The following TLL1 variants were observed in gnomAD, a reference collection of about 807,000 sequenced individuals.
TLL1 encodes tolloid-like protein 1.
Under a neutral mutation model 128.2 loss-of-function variants are expected in TLL1, and 49 were observed. The observed-to-expected ratio is 0.38, with a 90% CI of 0.30 to 0.48. TLL1 has a LOEUF of 0.48. Among genes scored for constraint, TLL1 ranks in the 20% least tolerant of loss-of-function variants. The pLI, the probability that TLL1 is intolerant of heterozygous loss-of-function variation, is 0.96. For synonymous variants in TLL1, 454 were observed against 418.8 expected (o/e 1.08, Z -1.03); for missense variants, 1,123 against 1,242.0 (o/e 0.90, Z 1.44).
chr4:166,042,027 G>A lies in TLL1; in HGVS notation c.1262G>A (p.Gly421Asp). 2 of 1,602,634 alleles carry A rather than the reference G, an allele frequency of 1.2e-6. No homozygotes were observed. Among genetic ancestry groups the A allele is most frequent in the Non-Finnish European group, 1.7e-6 (2 of 1,170,344 alleles). The change falls in exon 11 of 21, where the codon GGT becomes GAT. Residue 421 changes from glycine to aspartate, a missense_variant and splice_region_variant. Physicochemically the swap from Gly to Asp is moderately conservative, Grantham distance 94. Transcript: ENST00000061240. Reference sequence around the variant, plus strand: ...CTCTTTATTCTTTTATTTCTTTTAGGTAGATTCTGTGGGGACAAATTGCCT... The same window carrying A: ...CTCTTTATTCTTTTATTTCTTTTAGATAGATTCTGTGGGGACAAATTGCCT... ...DGYWRKSPLL[G>D]RFCGDKLPEV...
At chr4:165,982,274 C>T (rs1017055945) in intron 1 of TLL1, among the ~76,000 whole-genome samples, 1 of 146,616 alleles carries the variant, frequency 6.8e-6, no homozygotes, top group African/African-American at 2.7e-5. Flanking sequence ...CACTATGAAA[C>T]TTCTAAAGCT....
At chr4:165,959,989 T>C (rs1735016273) in intron 1 of TLL1, among the ~76,000 whole-genome samples, 2 of 152,002 alleles carry the variant, frequency 1.3e-5, no homozygotes, top group Admixed American at 1.3e-4. Context: ...ATGACTATAT[T>C]CGAGCAGAGC....
intron 10 of TLL1, 85 bp downstream of exon 10, chr4:166,039,526 T>A: frequency 1.0e-6 from 1 of 962,396 alleles, no homozygotes; most frequent in Non-Finnish European, 1.7e-6. Flanking sequence ...AGAGTCATCG[T>A]AGAGTTAAAA....
At chr4:165,885,447 A>G (rs547363641) in intron 1 of TLL1, among the ~76,000 whole-genome samples, 1 of 151,978 alleles carries the variant, frequency 6.6e-6, no homozygotes, top group South Asian at 2.1e-4. Context: ...CAGGTTTCTG[A>G]CAGTTTTGTT....
chr4:165,981,072 T>G (rs566961033), intron 1 of TLL1, among the ~76,000 whole-genome samples: 1 of 152,152 alleles, frequency 6.6e-6, no homozygotes, highest in East Asian at 1.9e-4. Context: ...ATTTTGCACA[T>G]GAGAGAGTAA....
chr4:165,912,960 T>C (rs1000001840), intron 1 of TLL1, among the ~76,000 whole-genome samples: 4 of 152,002 alleles, frequency 2.6e-5, no homozygotes, highest in Admixed American at 1.3e-4. Flanking sequence ...AAATATAAAA[T>C]ACCTTAATTA....
Position 166,057,283 on chromosome 4 carries a change from T to A in TLL1, c.1820T>A (p.Leu607Gln). 6.2e-7 allele frequency: 1 copy of A among 1,613,972 alleles called. No homozygotes were observed. The highest frequency in any genetic ancestry group is 1.1e-5 in the South Asian group (1 of 91,082). The change falls in exon 14 of 21, where the codon CTG becomes CAG. Residue 607 changes from leucine to glutamine, a missense_variant. Coordinates refer to ENST00000061240, the MANE Select transcript of TLL1 (RefSeq NM_012464.5). Reference sequence around the variant, plus strand: ...TGTGCCTGTGAGCCTGGCTATGAGCTGGGCCCAGACAGAAGGAGCTGTGAA... The same window carrying A: ...TGTGCCTGTGAGCCTGGCTATGAGCAGGGCCCAGACAGAAGGAGCTGTGAA... ...YQCACEPGYE[L>Q]GPDRRSCEAA...
intron 8 of TLL1, among the ~76,000 whole-genome samples, chr4:166,017,645 T>C (rs1738013763): frequency 1.3e-5 from 2 of 152,146 alleles, no homozygotes; most frequent in Admixed American, 6.6e-5. Context: ...TGGTATGAGC[T>C]GGAATTTTAA....
chr4:166,047,644 C>T (rs924677414), intron 12 of TLL1, among the ~76,000 whole-genome samples: 3 of 151,952 alleles, frequency 2.0e-5, no homozygotes, highest in African/African-American at 7.2e-5. Context: ...TATGTCATGG[C>T]TTTACCTTTG....
intron 1 of TLL1, among the ~76,000 whole-genome samples, chr4:165,879,020 C>G (rs976175854): frequency 6.8e-5 from 10 of 146,138 alleles, no homozygotes; most frequent in African/African-American, 2.0e-4. Flanking sequence ...GCCTCGACCT[C>G]CTAGGCTCAA....
intron 18 of TLL1, among the ~76,000 whole-genome samples, chr4:166,090,143 T>A (rs1418445466): frequency 6.6e-6 from 1 of 152,056 alleles, no homozygotes; most frequent in African/African-American, 2.4e-5. Flanking sequence ...TTAACAAAGT[T>A]TGAAATATAT....
chr4:166,000,897 G>A (rs551753621), intron 5 of TLL1, among the ~76,000 whole-genome samples: 1 of 152,048 alleles, frequency 6.6e-6, no homozygotes, highest in South Asian at 2.1e-4. Context: ...TTCTATTACT[G>A]ATTTATTAAA....
chr4:166,013,210 A>T (rs1346088603), intron 7 of TLL1, among the ~76,000 whole-genome samples: 2 of 151,820 alleles, frequency 1.3e-5, no homozygotes, highest in East Asian at 3.9e-4. Flanking sequence ...TGCACAATCA[A>T]TATCCATCTT....
At chr4:165,890,988 C>T (rs991764208) in intron 1 of TLL1, among the ~76,000 whole-genome samples, 1 of 152,186 alleles carries the variant, frequency 6.6e-6, no homozygotes, top group East Asian at 1.9e-4. Context: ...GTTCCCAGAC[C>T]TCAGTTCTTG....
At chr4:166,045,719 C>T (rs541976193) in intron 12 of TLL1, among the ~76,000 whole-genome samples, 30 of 152,236 alleles carry the variant, frequency 2.0e-4, no homozygotes, top group African/African-American at 7.2e-4. Flanking sequence ...TCCTCACTCC[C>T]TCTGTGTCAG....
intron 16 of TLL1, among the ~76,000 whole-genome samples, chr4:166,069,132 C>T (rs1385101469): frequency 6.6e-6 from 1 of 151,734 alleles, no homozygotes; most frequent in East Asian, 1.9e-4. Flanking sequence ...GCCTTATAGA[C>T]ACCTATTTCT....
chr4:165,940,623 A>G (rs766740228), intron 1 of TLL1, among the ~76,000 whole-genome samples: 64 of 152,144 alleles, frequency 4.2e-4, no homozygotes, highest in Admixed American at 1.2e-3. Flanking sequence ...TGTTCAAAAA[A>G]ATGTTTCTCA....
intron 1 of TLL1, among the ~76,000 whole-genome samples, chr4:165,950,412 T>C (rs1311849343): frequency 6.6e-6 from 1 of 152,102 alleles, no homozygotes; most frequent in Non-Finnish European, 1.5e-5. Context: ...AGCATCATCA[T>C]CATTCAACAT....
chr4:166,050,919 A>G (rs986047761), intron 12 of TLL1, among the ~76,000 whole-genome samples: 13 of 152,306 alleles, frequency 8.5e-5, no homozygotes, highest in Admixed American at 2.0e-4. Flanking sequence ...TAGTCTTTGT[A>G]CATGTTCTTC....
Sources: allele counts gnomAD v4.1 joint callset (sites outside exome capture counted in the v4.1 genomes callset), GRCh38; gene constraint gnomAD v4.1.1; transcripts MANE v1.5; gene names NCBI Gene and HGNC (gene_info 2026-07-23, HGNC 2026-07-21).